The following ADCY2 variants were observed in gnomAD, a reference collection of about 807,000 sequenced individuals.
ADCY2 encodes the protein adenylate cyclase type 2.
A neutral mutation model predicts 125.2 loss-of-function variants in ADCY2; 31 were observed. That is an observed-to-expected ratio of 0.25 (90% CI 0.19 to 0.33). The LOEUF (loss-of-function observed/expected upper bound fraction) is 0.33, where lower values mean the gene tolerates loss of function less well. ADCY2 is among the 10% of genes least tolerant of loss of function. The pLI is 1.00. For synonymous variants in ADCY2, 512 were observed against 548.4 expected (o/e 0.93, Z 0.93); for missense variants, 904 against 1,418.2 (o/e 0.64, Z 5.82).
At chr5:7,653,016 A>C (rs780572206) in intron 4 of ADCY2, among the ~76,000 whole-genome samples, 18 of 152,214 alleles carry the variant, frequency 1.2e-4, no homozygotes, top group Non-Finnish European at 2.5e-4. Flanking sequence ...CATGATGCTG[A>C]GTTGTTTCCA....
intron 4 of ADCY2, among the ~76,000 whole-genome samples, chr5:7,672,753 C>G (rs1435059735): frequency 2.0e-5 from 3 of 152,192 alleles, no homozygotes; most frequent in African/African-American, 7.2e-5. Context: ...TTTATTGGAA[C>G]ACAGAGCCAC....
At chr5:7,645,733 T>G (rs1205988441) in intron 4 of ADCY2, among the ~76,000 whole-genome samples, 1 of 152,190 alleles carries the variant, frequency 6.6e-6, no homozygotes, top group Non-Finnish European at 1.5e-5. Context: ...CTTCACTTAT[T>G]CAACAGGCTT....
chr5:7,704,540 A>G (rs574628616), intron 7 of ADCY2, among the ~76,000 whole-genome samples: 8 of 152,272 alleles, frequency 5.3e-5, no homozygotes, highest in African/African-American at 1.2e-4. Context: ...AATGACTTCA[A>G]CGTTTTTCTA....
chr5:7,398,928 G>A (rs1579403049), intron 1 of ADCY2, among the ~76,000 whole-genome samples: 1 of 152,208 alleles, frequency 6.6e-6, no homozygotes, highest in Non-Finnish European at 1.5e-5. Context: ...AGTCAGCGAT[G>A]GCTGGGGTAG....
chr5:7,746,016 A>G (rs142842545), intron 15 of ADCY2, among the ~76,000 whole-genome samples: 31 of 152,224 alleles, frequency 2.0e-4, no homozygotes, highest in African/African-American at 7.5e-4. Context: ...TGCCCCTCTC[A>G]TAGCTCCTCC....
chr5:7,485,375 A>G (rs1312773690), intron 2 of ADCY2, among the ~76,000 whole-genome samples: 1 of 152,210 alleles, frequency 6.6e-6, no homozygotes, highest in Non-Finnish European at 1.5e-5. Context: ...ATAGACAAAG[A>G]CATGAATGTA....
chr5:7,736,070 T>A (rs1487391787), intron 14 of ADCY2, among the ~76,000 whole-genome samples: 1 of 152,072 alleles, frequency 6.6e-6, no homozygotes, highest in Non-Finnish European at 1.5e-5. Context: ...AATACAAAAA[T>A]TGGCCATACA....
At chr5:7,738,518 G>A (rs1055965767) in intron 14 of ADCY2, among the ~76,000 whole-genome samples, 1 of 151,852 alleles carries the variant, frequency 6.6e-6, no homozygotes, top group African/African-American at 2.4e-5. Flanking sequence ...ACAAATAAAA[G>A]CAATGGGGCA....
At position 7,827,064 on chromosome 5, in the gene ADCY2, T is replaced by C; in HGVS notation, c.*193T>C. The C allele has an allele frequency of 4.6e-6, 3 of 655,528 alleles. No homozygotes were observed. The highest frequency in any genetic ancestry group is 2.2e-5 in the South Asian group (1 of 45,366). The allele number at this position is 655,528 out of a possible 1,614,324, so 40.6% of individuals were successfully genotyped here. ...GCCCAGATCGTTCTGCCACTTGCAC[T>C]GTGCTTGCTCCTAAGCAAAAGGGAA... On this transcript the variant is annotated 3_prime_UTR_variant, in exon 25 of 25. Transcript: ENST00000338316.
intron 3 of ADCY2, among the ~76,000 whole-genome samples, chr5:7,556,236 G>T (rs1252034236): frequency 1.3e-5 from 2 of 152,052 alleles, no homozygotes; most frequent in Non-Finnish European, 2.9e-5. Context: ...TCTCCTTTGT[G>T]TGCAGTAATT....
intron 2 of ADCY2, among the ~76,000 whole-genome samples, chr5:7,488,530 C>T (rs1414167326): frequency 6.6e-6 from 1 of 152,190 alleles, no homozygotes; most frequent in Non-Finnish European, 1.5e-5. Context: ...ACTTCTCCTA[C>T]TTAGCTCTCC....
Position 7,589,491 on chromosome 5 carries a change from AAAGAAAGAAAGAAAG to A in ADCY2, c.571-36673_571-36659del, listed in dbSNP as rs1451314599. ...GAAAGAAAGAAAGAAAGAAAGAAAG[AAAGAAAGAAAGAAAG>A]AAAGAAAAGAAAAGAAAGAGAAAGA... On this transcript the variant is annotated intron_variant, in intron 3 of 24. Coordinates refer to ENST00000338316, the MANE Select transcript of ADCY2 (RefSeq NM_020546.3). 5.5e-4 allele frequency among the ~76,000 whole-genome samples: 36 copies of A among 65,332 alleles called. No individual in the cohort carries two copies. In the Admixed American group the frequency reaches 6.7e-3, roughly 12 times the overall value. The allele number at this position is 65,332 out of a possible 152,430, so 42.9% of individuals were successfully genotyped here.
intron 2 of ADCY2, among the ~76,000 whole-genome samples, chr5:7,432,859 G>T (rs867430630): frequency 1.4e-5 from 2 of 146,800 alleles, no homozygotes; most frequent in Middle Eastern, 3.4e-3. Context: ...TTTCACAGGT[G>T]TTTATGTATG....
chr5:7,577,434 T>G (rs1307864767), intron 3 of ADCY2, among the ~76,000 whole-genome samples: 1 of 152,210 alleles, frequency 6.6e-6, no homozygotes, highest in Non-Finnish European at 1.5e-5. Context: ...ATATGGGATT[T>G]TGATACTCAT....
chr5:7,399,925 T>G (rs77868890), intron 1 of ADCY2, among the ~76,000 whole-genome samples: 1 of 152,130 alleles, frequency 6.6e-6, no homozygotes, highest in Non-Finnish European at 1.5e-5. Context: ...GTTTTTAATT[T>G]TTTTCTTTTT....
chr5:7,753,851 C>A (rs375737130), intron 15 of ADCY2, among the ~76,000 whole-genome samples: 2 of 152,134 alleles, frequency 1.3e-5, no homozygotes, highest in East Asian at 1.9e-4. Flanking sequence ...CTTGTCCTTG[C>A]CAGCAGCAAT....
At chr5:7,788,425 C>G (rs1744151160) in intron 19 of ADCY2, among the ~76,000 whole-genome samples, 1 of 152,170 alleles carries the variant, frequency 6.6e-6, no homozygotes, top group Non-Finnish European at 1.5e-5. Context: ...AGTGACCCAC[C>G]CACCTTGGCC....
intron 23 of ADCY2, among the ~76,000 whole-genome samples, chr5:7,817,224 C>T (rs964577859): frequency 1.3e-5 from 2 of 152,152 alleles, no homozygotes; most frequent in African/African-American, 4.8e-5. Context: ...CACGCACAGC[C>T]TTGAGCCATC....
chr5:7,594,934 A>G (rs1736961315), intron 3 of ADCY2, among the ~76,000 whole-genome samples: 1 of 152,222 alleles, frequency 6.6e-6, no homozygotes, highest in Non-Finnish European at 1.5e-5. Flanking sequence ...GCTTCAAAGG[A>G]CAGAGTCCAG....
Sources: gnomAD v4.1 joint callset for allele counts (sites outside exome capture counted in the v4.1 genomes callset) on GRCh38, gnomAD v4.1.1 for gene constraint, MANE v1.5 for transcripts, NCBI Gene and HGNC (gene_info 2026-07-23, HGNC 2026-07-21) for gene names.